The following KANK1 variants were observed in gnomAD, a reference collection of about 807,000 sequenced individuals.
The protein encoded by KANK1 is KN motif and ankyrin repeat domains 1.
Under a neutral mutation model 106.2 loss-of-function variants are expected in KANK1, and 109 were observed. That is an observed-to-expected ratio of 1.03 (90% CI 0.88 to 1.20). KANK1 has a LOEUF of 1.20. Ranked by LOEUF, KANK1 falls within the 50% of genes most tolerant of loss-of-function variation. KANK1 has a pLI of 0.00. For synonymous variants in KANK1, 873 were observed against 652.2 expected (o/e 1.34, Z -5.16); for missense variants, 2,399 against 1,710.7 (o/e 1.40, Z -7.10).
intron 1 of KANK1, among the ~76,000 whole-genome samples, chr9:670,520 G>A (rs1005480623): frequency 6.6e-6 from 1 of 152,156 alleles, no homozygotes; most frequent in African/African-American, 2.4e-5. Flanking sequence ...GAATGGGGGA[G>A]GTTGCAAAGG....
chr9:690,877 C>T (rs1330096172), intron 2 of KANK1, among the ~76,000 whole-genome samples: 1 of 152,220 alleles, frequency 6.6e-6, no homozygotes, highest in East Asian at 1.9e-4. Flanking sequence ...TTGTCTCCAG[C>T]AGGTTCCTTT....
At chr9:520,322 G>C (rs951013992) in intron 1 of KANK1, among the ~76,000 whole-genome samples, 11 of 151,750 alleles carry the variant, frequency 7.2e-5, no homozygotes, top group African/African-American at 2.7e-4. Context: ...CTGCTTGGTA[G>C]AGTGAGACCC....
chr9:633,478 A>C (rs999554285), intron 1 of KANK1, among the ~76,000 whole-genome samples: 5 of 152,002 alleles, frequency 3.3e-5, no homozygotes, highest in African/African-American at 4.8e-5. Flanking sequence ...CAAAACAAAA[A>C]AAACACCTTT....
Position 733,058 on chromosome 9 carries a change from G to A in KANK1, c.3245+441G>A, listed in dbSNP as rs562003701. 13 of 156,138 alleles carry A rather than the reference G, an allele frequency of 8.3e-5. No homozygotes were observed. The South Asian group carries it at 1.2e-3, about 14-fold the overall frequency. 9.7% of individuals were successfully genotyped at this position (156,138 alleles called of 1,614,324 possible). A position where few individuals can be genotyped will look rare whatever the true frequency, so the allele number is the denominator to read the frequency against. On this transcript the variant is annotated intron_variant, in intron 6 of 11. Transcript: ENST00000382297. ...GCCTCAGCCAAAGATCACATATACT[G>A]TAAAGATGATGCATATCACTTACAT... is the stretch of plus-strand genomic sequence containing the variant.
intron 1 of KANK1, chr9:660,393 T>C (rs1843029887): frequency 6.1e-6 from 1 of 163,098 alleles, no homozygotes. Flanking sequence ...TTTCTGTCCC[T>C]TGTCACAAGT....
At chr9:677,974 G>C (rs1252318984) in intron 2 of KANK1, among the ~76,000 whole-genome samples, 1 of 152,174 alleles carries the variant, frequency 6.6e-6, no homozygotes, top group Non-Finnish European at 1.5e-5. Context: ...AACATACTTA[G>C]AGGAGCTATG....
intron 1 of KANK1, among the ~76,000 whole-genome samples, chr9:536,972 G>T (rs56206932): frequency 0.024 from 3,623 of 152,260 alleles, 139 homozygotes; most frequent in African/African-American, 0.081. Flanking sequence ...GGTCAGGTGT[G>T]AGATGAGCAA....
At chr9:678,916 G>C (rs942367087) in intron 2 of KANK1, among the ~76,000 whole-genome samples, 1 of 152,056 alleles carries the variant, frequency 6.6e-6, no homozygotes, top group African/African-American at 2.4e-5. Flanking sequence ...AAGATTGTTG[G>C]TGCCTCAAGA....
At chr9:669,738 C>T (rs1845473763) in intron 1 of KANK1, among the ~76,000 whole-genome samples, 1 of 151,996 alleles carries the variant, frequency 6.6e-6, no homozygotes, top group South Asian at 2.1e-4. Flanking sequence ...TTAGTGTTTT[C>T]TGACCTTCCT....
At chr9:543,904 C>G (rs2060768286) in intron 1 of KANK1, among the ~76,000 whole-genome samples, 1 of 152,232 alleles carries the variant, frequency 6.6e-6, no homozygotes, top group South Asian at 2.1e-4. Flanking sequence ...TATCATATCT[C>G]TTTAATCCTG....
intron 3 of KANK1, among the ~76,000 whole-genome samples, chr9:499,691 T>G (rs907420491): frequency 1.3e-5 from 2 of 152,184 alleles, no homozygotes; most frequent in African/African-American, 4.8e-5. Flanking sequence ...AAGGGGAAAC[T>G]TTTTTACCTG....
chr9:718,394 C>G (rs1234748327), intron 3 of KANK1, among the ~76,000 whole-genome samples: 1 of 147,136 alleles, frequency 6.8e-6, no homozygotes, highest in East Asian at 2.0e-4. Flanking sequence ...CTTGCTGTAG[C>G]CTGAACTTCC....
intron 1 of KANK1, among the ~76,000 whole-genome samples, chr9:671,006 G>A (rs1409646142): frequency 2.4e-5 from 3 of 125,400 alleles, no homozygotes; most frequent in African/African-American, 8.5e-5. Flanking sequence ...GGAACTGACC[G>A]ATTCTCTTTC....
In KANK1 at chr9:499,177, CAAAA is replaced by C. The variant is rs199624864; in HGVS notation, c.-362+25916_-362+25919del. ...TGGGCAACAGAGCAAGACTCTGTCT[CAAAA>C]AAAAAAAAAAAGTTAAACGCAGAGT... On this transcript the variant is annotated intron_variant, in intron 3 of 15. Transcript: ENST00000382303. Among the ~76,000 whole-genome samples the C allele has an allele frequency of 6.8e-5, 8 of 118,024 alleles. No homozygotes were observed. In the East Asian group the frequency reaches 1.7e-3, roughly 26 times the overall value. 77.4% of individuals were successfully genotyped at this position (118,024 alleles called of 152,430 possible).
At chr9:505,214 G>C (rs2058694462) in intron 1 of KANK1, among the ~76,000 whole-genome samples, 1 of 152,170 alleles carries the variant, frequency 6.6e-6, no homozygotes, top group Admixed American at 6.5e-5. Flanking sequence ...GCGGCTCTCC[G>C]TGGAGTTGGA....
rs76868922 is a variant in KANK1, at chr9:711,207, C to T, written c.441C>T (p.Leu147=). Residue 147 remains leucine (L), a synonymous_variant, in exon 3 of 12, where the codon CTC becomes CTT. Coordinates refer to ENST00000382297, the MANE Select transcript of KANK1 (RefSeq NM_015158.5). ...NRQLPPPSPQ[L]PKHNLHVTKT... ...AGCTGCCACCTCCCTCACCACAACT[C>T]CCAAAGCATAACCTTCATGTCACCA... The T allele has an allele frequency of 6.2e-6, 10 of 1,614,182 alleles. No homozygotes were observed. The highest frequency in any genetic ancestry group is 8.5e-6 in the Non-Finnish European group (10 of 1,180,026).
intron 3 of KANK1, among the ~76,000 whole-genome samples, chr9:492,876 T>C (rs2058399737): frequency 1.3e-5 from 2 of 151,832 alleles, no homozygotes; most frequent in Admixed American, 6.6e-5. Flanking sequence ...AATACAAAAT[T>C]AGCCGGGCGT....
intron 2 of KANK1, among the ~76,000 whole-genome samples, chr9:709,520 T>G (rs1825324821): frequency 6.6e-6 from 1 of 152,166 alleles, no homozygotes; most frequent in African/African-American, 2.4e-5. Flanking sequence ...AGATAACACT[T>G]TGAAAAACAG....
intron 1 of KANK1, among the ~76,000 whole-genome samples, chr9:573,867 C>T (rs1290656283): frequency 2.0e-5 from 3 of 152,158 alleles, no homozygotes; most frequent in African/African-American, 7.2e-5. Flanking sequence ...GAAAGGTTTT[C>T]TGTTAGACTG....
Sources: allele counts gnomAD v4.1 joint callset (sites outside exome capture counted in the v4.1 genomes callset), GRCh38; gene constraint gnomAD v4.1.1; transcripts MANE v1.5; gene names NCBI Gene and HGNC (gene_info 2026-07-23, HGNC 2026-07-21).